KCNH7: variants seen among roughly 807,000 people sequenced by gnomAD.
KCNH7 encodes the protein potassium voltage-gated channel subfamily H member 7.
A neutral mutation model predicts 120.8 loss-of-function variants in KCNH7; 49 were observed. That is an observed-to-expected ratio of 0.41 (90% confidence interval 0.32 to 0.51). The LOEUF (loss-of-function observed/expected upper bound fraction) is 0.51, where lower values mean the gene tolerates loss of function less well. Among genes scored for constraint, KCNH7 ranks in the 20% least tolerant of loss-of-function variants. The pLI is 0.38. For synonymous variants in KCNH7, 547 were observed against 516.1 expected (o/e 1.06, Z -0.81); for missense variants, 1,097 against 1,446.6 (o/e 0.76, Z 3.92).
chr2:162,651,422 T>G (rs1452956787), intron 2 of KCNH7, among the ~76,000 whole-genome samples: 1 of 151,978 alleles, frequency 6.6e-6, no homozygotes, highest in Non-Finnish European at 1.5e-5. Flanking sequence ...TGTTCCTGAG[T>G]TCTCATCATT....
At chr2:162,647,034 A>T (rs1164839239) in intron 2 of KCNH7, among the ~76,000 whole-genome samples, 3 of 152,202 alleles carry the variant, frequency 2.0e-5, no homozygotes, top group African/African-American at 7.2e-5. Context: ...GACTTTGTCT[A>T]AAGTCGGTCA....
chr2:162,427,613 G>A (rs1176842448), intron 8 of KCNH7, among the ~76,000 whole-genome samples: 5 of 151,262 alleles, frequency 3.3e-5, no homozygotes, highest in South Asian at 2.1e-4. Flanking sequence ...TTATGATCTC[G>A]GTATTGAAAA....
chr2:162,620,069 G>T (rs1220977013), intron 2 of KCNH7, among the ~76,000 whole-genome samples: 5 of 150,600 alleles, frequency 3.3e-5, no homozygotes, highest in Non-Finnish European at 7.4e-5. Context: ...TTGAGAGAGA[G>T]AATATGTGTA....
intron 6 of KCNH7, among the ~76,000 whole-genome samples, chr2:162,450,881 G>C (rs1037565525): frequency 1.3e-5 from 2 of 151,938 alleles, no homozygotes; most frequent in African/African-American, 4.8e-5. Context: ...GCCTACACTA[G>C]GAACCAGGTG....
chr2:162,595,171 T>G (rs990460200), intron 2 of KCNH7, among the ~76,000 whole-genome samples: 3 of 152,002 alleles, frequency 2.0e-5, no homozygotes, highest in African/African-American at 7.2e-5. Context: ...AAACTTACAA[T>G]CATGGCAGAA....
At chr2:162,454,307 T>C (rs1437367907) in intron 6 of KCNH7, among the ~76,000 whole-genome samples, 1 of 152,206 alleles carries the variant, frequency 6.6e-6, no homozygotes, top group Non-Finnish European at 1.5e-5. Context: ...TCCATTGGTC[T>C]GTATATCTGT....
intron 4 of KCNH7, among the ~76,000 whole-genome samples, chr2:162,513,271 C>CTCCTTCCCTCCTTCCCTCCT (rs1287714530): frequency 1.2e-4 from 14 of 120,376 alleles, no homozygotes; most frequent in African/African-American, 4.1e-4. Context: ...CCTTCCTTCC[C>CTCCTTCCCTCCTTCCCTCCT]TCCTTCCCTC....
At chr2:162,503,378 ATAAGT>A (rs1191626479) in intron 6 of KCNH7, among the ~76,000 whole-genome samples, 5 of 152,088 alleles carry the variant, frequency 3.3e-5, no homozygotes, top group African/African-American at 1.2e-4. Flanking sequence ...TTTACTAAAT[ATAAGT>A]TAAGAAAAGT....
chr2:162,590,011 A>G (rs1169195102), intron 2 of KCNH7, among the ~76,000 whole-genome samples: 1 of 152,052 alleles, frequency 6.6e-6, no homozygotes, highest in East Asian at 1.9e-4. Flanking sequence ...GTATATGGAA[A>G]ATTAGATTAT....
At chr2:162,550,927 TTTTTCTCTA>T (rs1257540744) in intron 2 of KCNH7, among the ~76,000 whole-genome samples, 1 of 151,424 alleles carries the variant, frequency 6.6e-6, no homozygotes, top group Non-Finnish European at 1.5e-5. Context: ...AGGCACTACA[TTTTTCTCTA>T]TACAGATTGG....
intron 2 of KCNH7, among the ~76,000 whole-genome samples, chr2:162,655,761 C>A (rs1364339019): frequency 6.6e-6 from 1 of 152,104 alleles, no homozygotes; most frequent in Non-Finnish European, 1.5e-5. Context: ...CCACTGCACT[C>A]CAGCCTGGTG....
intron 2 of KCNH7, among the ~76,000 whole-genome samples, chr2:162,826,291 G>T (rs1216193091): frequency 6.6e-6 from 1 of 151,996 alleles, no homozygotes; most frequent in East Asian, 1.9e-4. Context: ...GGGAGGGCTG[G>T]GATGGTTTGT....
intron 7 of KCNH7, among the ~76,000 whole-genome samples, chr2:162,443,632 A>G (rs538413489): frequency 7.7e-4 from 118 of 152,278 alleles, no homozygotes; most frequent in African/African-American, 2.7e-3. Flanking sequence ...GTTGCTACCA[A>G]GCTGTTGTTT....
chr2:162,435,107 CT>C, intron 8 of KCNH7, 90 bp downstream of exon 8: 1 of 1,222,338 alleles, frequency 8.2e-7, no homozygotes, highest in Non-Finnish European at 1.1e-6. Context: ...TTTCTGTAAT[CT>C]TTTTCTTTGC....
chr2:162,687,517 A>G (rs796426592), intron 2 of KCNH7, among the ~76,000 whole-genome samples: 19 of 152,272 alleles, frequency 1.2e-4, no homozygotes, highest in African/African-American at 4.1e-4. Flanking sequence ...AAAATTATTT[A>G]ACAGGAAATA....
chr2:162,836,784 G>A lies in KCNH7; in HGVS notation c.77-17C>T, dbSNP rs1453910186. The A allele has an allele frequency of 2.6e-6, 4 of 1,550,924 alleles. No homozygotes were observed. Among genetic ancestry groups the A allele is most frequent in the Non-Finnish European group, 3.6e-6 (4 of 1,124,168 alleles). ...ATTTTTTATCTGTAATAAGAAGACA[G>A]TATGGCATCTTTGAAAAAGCTTCCA... On this transcript the variant is annotated splice_polypyrimidine_tract_variant and intron_variant, in intron 1 of 15. Transcript: ENST00000332142.
At chr2:162,378,020 AC>A (rs1448345813) in intron 14 of KCNH7, among the ~76,000 whole-genome samples, 6 of 152,298 alleles carry the variant, frequency 3.9e-5, no homozygotes, top group Admixed American at 3.9e-4. Flanking sequence ...TGACAGAGCA[AC>A]CAGGTGATGC....
chr2:162,455,994 G>T (rs1688948296), intron 6 of KCNH7, among the ~76,000 whole-genome samples: 1 of 151,940 alleles, frequency 6.6e-6, no homozygotes, highest in Non-Finnish European at 1.5e-5. Flanking sequence ...GAATTTGTTT[G>T]CTCTTGCTTC....
chr2:162,383,468 G>A (rs774543896), intron 13 of KCNH7, among the ~76,000 whole-genome samples: 20 of 151,908 alleles, frequency 1.3e-4, no homozygotes, highest in South Asian at 4.1e-4. Context: ...TCAATGTGGG[G>A]TCATGAAAAA....
Sources: gnomAD v4.1 joint callset for allele counts (sites outside exome capture counted in the v4.1 genomes callset) on GRCh38, gnomAD v4.1.1 for gene constraint, MANE v1.5 for transcripts, NCBI Gene and HGNC (gene_info 2026-07-23, HGNC 2026-07-21) for gene names.